MAP2: variants seen among roughly 807,000 people sequenced by gnomAD.
MAP2 encodes microtubule associated protein 2, also known as microtubule-associated protein 2.
Under a neutral mutation model 137.6 loss-of-function variants are expected in MAP2, and 14 were observed. The ratio of observed to expected loss-of-function variants is 0.10; its 90% CI spans 0.07 to 0.16. The LOEUF (loss-of-function observed/expected upper bound fraction) is 0.16, where lower values mean the gene tolerates loss of function less well. MAP2 is among the 10% of genes least tolerant of loss of function. The pLI is 1.00. For missense variants in MAP2, 2,088 were observed against 2,191.5 expected, an observed-to-expected ratio of 0.95 and a Z score of 0.94; for synonymous variants, 786 against 782.3, an observed-to-expected ratio of 1.00 and a Z score of -0.08.
At chr2:209,445,942 C>T (rs1698949424) in intron 1 of MAP2, among the ~76,000 whole-genome samples, 2 of 151,642 alleles carry the variant, frequency 1.3e-5, no homozygotes, top group African/African-American at 4.8e-5. Context: ...ACCTACACTT[C>T]CTGCCCATTA....
chr2:209,556,604 C>T (rs764556475), intron 2 of MAP2, among the ~76,000 whole-genome samples: 5 of 150,852 alleles, frequency 3.3e-5, no homozygotes, highest in Admixed American at 6.6e-5. Flanking sequence ...AGATTTCAAC[C>T]TGAAACACCT....
chr2:209,478,517 A>G (rs1037498275), intron 1 of MAP2, among the ~76,000 whole-genome samples: 2 of 152,224 alleles, frequency 1.3e-5, no homozygotes, highest in African/African-American at 2.4e-5. Flanking sequence ...AAACCTCACT[A>G]TAGAAGAACG....
chr2:209,451,750 G>A (rs1700370834), intron 1 of MAP2, among the ~76,000 whole-genome samples: 1 of 152,150 alleles, frequency 6.6e-6, no homozygotes, highest in African/African-American at 2.4e-5. Flanking sequence ...ACAGCTGTAG[G>A]AGGCTAAAAA....
intron 4 of MAP2, among the ~76,000 whole-genome samples, chr2:209,635,006 A>G (rs1559453819): frequency 6.6e-6 from 1 of 152,130 alleles, no homozygotes; most frequent in Non-Finnish European, 1.5e-5. Context: ...AGATGGGAGG[A>G]TTGCTTGAGC....
chr2:209,466,389 T>C (rs1349231794), intron 1 of MAP2, among the ~76,000 whole-genome samples: 1 of 152,204 alleles, frequency 6.6e-6, no homozygotes, highest in East Asian at 1.9e-4. Context: ...TTTTGGGAAG[T>C]TTCCTCACCT....
chr2:209,645,946 G>A (rs1463257501), intron 4 of MAP2, among the ~76,000 whole-genome samples: 2 of 152,172 alleles, frequency 1.3e-5, no homozygotes, highest in Non-Finnish European at 2.9e-5. Flanking sequence ...AGCACTTTGA[G>A]AGGTCAAGGT....
At position 209,525,207 on chromosome 2, in the gene MAP2, T is replaced by C. The variant is rs188520192; in HGVS notation, c.-172+17566T>C. On this transcript the variant is annotated intron_variant, in intron 2 of 15. Coordinates refer to ENST00000682079, the MANE Select transcript of MAP2 (RefSeq NM_001375505.1). ...AATGACTTTTGTTAAGTGAATTAGC[T>C]ACTAATTTTTTTAAAACTTAGAGTC... 7.2e-3 allele frequency among the ~76,000 whole-genome samples: 1,096 copies of C among 152,312 alleles called. 5 individuals are homozygous for C. Among genetic ancestry groups the C allele is most frequent in the Non-Finnish European group, 0.011 (762 of 68,016 alleles).
intron 1 of MAP2, among the ~76,000 whole-genome samples, chr2:209,498,604 T>G (rs528431816): frequency 6.6e-6 from 1 of 152,336 alleles, no homozygotes; most frequent in East Asian, 1.9e-4. Flanking sequence ...CTACACATCC[T>G]TTGAAATCTA....
At chr2:209,712,759 A>G (rs2065940937) in intron 13 of MAP2, among the ~76,000 whole-genome samples, 1 of 152,142 alleles carries the variant, frequency 6.6e-6, no homozygotes, top group Non-Finnish European at 1.5e-5. Context: ...CCATACTTGT[A>G]AAACTGAAGA....
At chr2:209,575,518 C>CAAAAAAAA (rs71043942) in intron 2 of MAP2, among the ~76,000 whole-genome samples, 2 of 28,380 alleles carry the variant, frequency 7.0e-5, no homozygotes, top group Non-Finnish European at 1.8e-4. Flanking sequence ...GACTCCATCT[C>CAAAAAAAA]AAAAAAAAAA....
At chr2:209,582,779 T>C (rs1378196868) in intron 3 of MAP2, among the ~76,000 whole-genome samples, 1 of 152,168 alleles carries the variant, frequency 6.6e-6, no homozygotes, top group African/African-American at 2.4e-5. Context: ...TATTCTTTCT[T>C]GCTGTCATTT....
intron 1 of MAP2, among the ~76,000 whole-genome samples, chr2:209,439,446 C>A (rs1277133688): frequency 6.6e-6 from 1 of 151,470 alleles, no homozygotes; most frequent in Non-Finnish European, 1.5e-5. Flanking sequence ...TAAGTTGAAA[C>A]TAAACTATGA....
chr2:209,663,140 C>T (rs2044483555), intron 5 of MAP2, among the ~76,000 whole-genome samples: 2 of 151,930 alleles, frequency 1.3e-5, no homozygotes, highest in African/African-American at 4.8e-5. Flanking sequence ...TCTTTTTTCC[C>T]CTCTAAGCTA....
chr2:209,674,979 G>A (rs1012717677), intron 5 of MAP2, among the ~76,000 whole-genome samples: 1 of 151,762 alleles, frequency 6.6e-6, no homozygotes, highest in Non-Finnish European at 1.5e-5. Flanking sequence ...CCCTTACTTA[G>A]AGGAAGATTT....
chr2:209,688,571 C>T (rs967038703), intron 7 of MAP2, among the ~76,000 whole-genome samples: 1 of 152,078 alleles, frequency 6.6e-6, no homozygotes, highest in Non-Finnish European at 1.5e-5. Flanking sequence ...AATCTTGGCT[C>T]ACATCAGTAG....
chr2:209,457,556 G>A (rs1701833537), intron 1 of MAP2, among the ~76,000 whole-genome samples: 1 of 152,062 alleles, frequency 6.6e-6, no homozygotes, highest in Non-Finnish European at 1.5e-5. Context: ...ATATAATGAA[G>A]CTCTGAACTG....
At chr2:209,699,984 C>T (rs775996558) in intron 10 of MAP2, among the ~76,000 whole-genome samples, 6 of 152,140 alleles carry the variant, frequency 3.9e-5, no homozygotes, top group Non-Finnish European at 5.9e-5. Flanking sequence ...GATCTCCTTA[C>T]GTACTAGTGA....
intron 1 of MAP2, among the ~76,000 whole-genome samples, chr2:209,494,739 A>G (rs2059552282): frequency 6.6e-6 from 1 of 152,256 alleles, no homozygotes; most frequent in African/African-American, 2.4e-5. Flanking sequence ...TAAAAAACAA[A>G]TAAATAAATA....
chr2:209,540,368 T>C (rs1009846228), intron 2 of MAP2, among the ~76,000 whole-genome samples: 6 of 151,278 alleles, frequency 4.0e-5, no homozygotes, highest in Non-Finnish European at 8.8e-5. Flanking sequence ...GCGCGGTCGC[T>C]CACACCTGTA....
Sources: allele counts gnomAD v4.1 joint callset (sites outside exome capture counted in the v4.1 genomes callset), GRCh38; gene constraint gnomAD v4.1.1; transcripts MANE v1.5; gene names NCBI Gene and HGNC (gene_info 2026-07-23, HGNC 2026-07-21).